The following TNRC6B variants were observed in gnomAD, a reference collection of about 807,000 sequenced individuals.
TNRC6B encodes the protein trinucleotide repeat-containing gene 6B protein.
TNRC6B carries 52 observed loss-of-function variants against 203.6 expected under a neutral mutation model. The observed-to-expected ratio is 0.26, with a 90% confidence interval of 0.20 to 0.32. The LOEUF (loss-of-function observed/expected upper bound fraction) is 0.32, where lower values mean the gene tolerates loss of function less well. TNRC6B is among the 10% of genes least tolerant of loss of function. The pLI, the probability that TNRC6B is intolerant of heterozygous loss-of-function variation, is 1.00. For missense variants in TNRC6B, 1,923 were observed against 2,286.2 expected, an observed-to-expected ratio of 0.84 and a Z score of 3.24; for synonymous variants, 838 against 845.7, an observed-to-expected ratio of 0.99 and a Z score of 0.16.
At chr22:40,299,007 G>A (rs1357646962) in intron 12 of TNRC6B, among the ~76,000 whole-genome samples, 1 of 151,844 alleles carries the variant, frequency 6.6e-6, no homozygotes, top group Non-Finnish European at 1.5e-5. Context: ...GGGAGCGGTG[G>A]CTCATACTTG....
intron 1 of TNRC6B, among the ~76,000 whole-genome samples, chr22:40,102,422 A>C (rs552227785): frequency 6.6e-6 from 1 of 152,314 alleles, no homozygotes; most frequent in African/African-American, 2.4e-5. Context: ...TAAGATATTT[A>C]GTATGTGACA....
At chr22:40,199,779 T>C (rs1229401387) in intron 1 of TNRC6B, among the ~76,000 whole-genome samples, 1 of 151,990 alleles carries the variant, frequency 6.6e-6, no homozygotes, top group Non-Finnish European at 1.5e-5. Flanking sequence ...TGTAGGACTG[T>C]GGTTTGGTTT....
chr22:40,222,728 C>CTCT (rs2069728214), intron 1 of TNRC6B, among the ~76,000 whole-genome samples: 20 of 40,178 alleles, frequency 5.0e-4, no homozygotes, highest in African/African-American at 2.3e-3. Flanking sequence ...CTCTCTCTCT[C>CTCT]TTTTTTTTTT....
At chr22:40,084,403 C>T (rs2068085553) in intron 1 of TNRC6B, among the ~76,000 whole-genome samples, 1 of 152,176 alleles carries the variant, frequency 6.6e-6, no homozygotes, top group Non-Finnish European at 1.5e-5. Context: ...GTTTCCACAA[C>T]TGCAAGGCCA....
chr22:40,233,615 C>T lies in TNRC6B; in HGVS notation c.6-12400C>T, dbSNP rs1187444978. ...CCAGCCTGGCAGCAGAGCAAGACTC[C>T]GTCTCAAAAAAAAAAAAAATTATCT... On this transcript the variant is annotated intron_variant, in intron 1 of 22. Coordinates refer to ENST00000454349, the MANE Select transcript of TNRC6B (RefSeq NM_001162501.2). Among the ~76,000 whole-genome samples the T allele has an allele frequency of 4.6e-5, 7 of 150,812 alleles. No individual in the cohort carries two copies. The East Asian group carries it at 5.9e-4, about 13-fold the overall frequency.
chr22:40,124,259 G>A (rs1325326738), intron 2 of TNRC6B, among the ~76,000 whole-genome samples: 3 of 151,178 alleles, frequency 2.0e-5, no homozygotes, highest in Admixed American at 6.6e-5. Context: ...ATCATCAAGC[G>A]TTGTGCATTA....
At chr22:40,195,912 G>A (rs1011217954) in intron 1 of TNRC6B, among the ~76,000 whole-genome samples, 1 of 152,162 alleles carries the variant, frequency 6.6e-6, no homozygotes, top group Non-Finnish European at 1.5e-5. Context: ...TGGGACTACA[G>A]GCGCCCGCCA....
chr22:40,097,866 A>G (rs1365110117), intron 1 of TNRC6B, among the ~76,000 whole-genome samples: 1 of 152,096 alleles, frequency 6.6e-6, no homozygotes, highest in Non-Finnish European at 1.5e-5. Flanking sequence ...CTTATTTAAG[A>G]CAGGGTCTCG....
At chr22:40,241,499 G>C (rs2070028514) in intron 1 of TNRC6B, among the ~76,000 whole-genome samples, 1 of 152,220 alleles carries the variant, frequency 6.6e-6, no homozygotes, top group Admixed American at 6.5e-5. Flanking sequence ...TTGCAGGCCA[G>C]TATATTTTGT....
rs1169137684 is a variant in TNRC6B, at chr22:40,264,783, C to A, written c.553C>A (p.His185Asn). Residue 185 changes from histidine (H) to asparagine (N), a missense_variant, in exon 5 of 23, where the codon CAC becomes AAC. Coordinates refer to ENST00000454349, the MANE Select transcript of TNRC6B (RefSeq NM_001162501.2). ...SNNGTSPNPI[H>N]IWDKVIVDGS... ...CAACGGCACCTCCCCCAACCCAATT[C>A]ACATCTGGGACAAGGTGATTGTAGA... is the stretch of plus-strand genomic sequence containing the variant. 2.5e-6 allele frequency: 4 copies of A among 1,613,834 alleles called. No homozygotes were observed. Among genetic ancestry groups the A allele is most frequent in the Non-Finnish European group, 3.4e-6 (4 of 1,179,868 alleles).
Position 40,224,564 on chromosome 22 carries a change from G to C in TNRC6B, c.6-21451G>C, listed in dbSNP as rs375113728. ...ATTCTATCATAATACTTGTTTTGAA[G>C]CATTTCTGTAGTCAGATGTAGCTGT... On this transcript the variant is annotated intron_variant, in intron 1 of 22. Transcript: ENST00000454349. Among the ~76,000 whole-genome samples, 5 of 152,234 alleles carry C rather than the reference G, an allele frequency of 3.3e-5. No individual in the cohort carries two copies. The East Asian group carries it at 9.6e-4, about 29-fold the overall frequency.
chr22:40,270,000 G>T, intron 5 of TNRC6B, 122 bp from the exon 6 acceptor site: 1 of 961,148 alleles, frequency 1.0e-6, no homozygotes, highest in Non-Finnish European at 1.5e-6. Context: ...CATGAAAGTT[G>T]AATCTATTTA....
intron 1 of TNRC6B, among the ~76,000 whole-genome samples, chr22:40,074,956 T>C (rs567299131): frequency 3.7e-4 from 56 of 151,854 alleles, no homozygotes; most frequent in African/African-American, 1.3e-3. Flanking sequence ...AGACCTTGTC[T>C]CAAAGAAAAA....
At chr22:40,211,162 G>T (rs1369614631) in intron 1 of TNRC6B, among the ~76,000 whole-genome samples, 1 of 152,034 alleles carries the variant, frequency 6.6e-6, no homozygotes, top group East Asian at 1.9e-4. Context: ...ATCCAGGCTG[G>T]AGTGTAGTGG....
At chr22:40,089,371 T>G (rs576709090) in intron 1 of TNRC6B, among the ~76,000 whole-genome samples, 1 of 152,188 alleles carries the variant, frequency 6.6e-6, no homozygotes, top group Admixed American at 6.5e-5. Context: ...TAGCTGGGAT[T>G]ACAGGCACAC....
intron 1 of TNRC6B, among the ~76,000 whole-genome samples, chr22:40,231,748 C>T (rs1404307164): frequency 1.3e-5 from 2 of 152,062 alleles, no homozygotes; most frequent in Non-Finnish European, 2.9e-5. Flanking sequence ...CAGGAAGGCT[C>T]CTATTATTGT....
chr22:40,060,471 G>C (rs900612375), intron 1 of TNRC6B, among the ~76,000 whole-genome samples: 2 of 152,096 alleles, frequency 1.3e-5, no homozygotes, highest in African/African-American at 4.8e-5. Context: ...AGTGTTATTT[G>C]ATTTCCAAAT....
At chr22:40,244,949 C>T (rs2070085000) in intron 1 of TNRC6B, among the ~76,000 whole-genome samples, 1 of 152,234 alleles carries the variant, frequency 6.6e-6, no homozygotes, top group South Asian at 2.1e-4. Flanking sequence ...AGATTCAGCA[C>T]ATTTCTCCAA....
At chr22:40,191,990 A>T (rs2069280844) in intron 1 of TNRC6B, among the ~76,000 whole-genome samples, 1 of 152,164 alleles carries the variant, frequency 6.6e-6, no homozygotes, top group African/African-American at 2.4e-5. Flanking sequence ...ACCTCAAGTG[A>T]TCCACCTGCC....
Sources: allele counts gnomAD v4.1 joint callset (sites outside exome capture counted in the v4.1 genomes callset), GRCh38; gene constraint gnomAD v4.1.1; transcripts MANE v1.5; gene names NCBI Gene and HGNC (gene_info 2026-07-23, HGNC 2026-07-21).